RNF144A: variants seen among roughly 807,000 people sequenced by gnomAD.
The protein encoded by RNF144A is E3 ubiquitin-protein ligase RNF144A.
In RNF144A, 11 loss-of-function variants were observed where a neutral mutation model predicts 38.7. The ratio of observed to expected loss-of-function variants is 0.28; its 90% CI spans 0.18 to 0.47. RNF144A has a LOEUF of 0.47. Ranked by LOEUF, RNF144A falls within the 20% of genes least tolerant of loss-of-function variation. The pLI is 0.99. For missense variants in RNF144A, 316 were observed against 377.2 expected (o/e 0.84, Z 1.34); for synonymous variants, 149 against 143.9 (o/e 1.04, Z -0.25).
At chr2:6,996,803 G>C (rs945645053) in intron 2 of RNF144A, 113 bp from the exon 3 acceptor site, 1 of 1,033,882 alleles carries the variant, frequency 9.7e-7, no homozygotes, top group African/African-American at 1.6e-5. Context: ...GGCTCCATCA[G>C]CAGTCAGTTG....
At chr2:6,927,949 A>G (rs1381772961) in intron 1 of RNF144A, among the ~76,000 whole-genome samples, 3 of 152,136 alleles carry the variant, frequency 2.0e-5, no homozygotes, top group African/African-American at 7.2e-5. Flanking sequence ...GCTCTTCTAG[A>G]GTGCTTACCT....
chr2:7,043,667 A>G lies in RNF144A; in HGVS notation c.*3907A>G. 1 of 985,874 alleles carries G rather than the reference A, an allele frequency of 1.0e-6. No individual in the cohort carries two copies. Among genetic ancestry groups the G allele is most frequent in the Non-Finnish European group, 1.2e-6 (1 of 829,928 alleles). The allele number at this position is 985,874 out of a possible 1,614,324, so 61.1% of individuals were successfully genotyped here. On this transcript the variant is annotated 3_prime_UTR_variant, in exon 9 of 9. Transcript: ENST00000320892. ...ACAAAGGGGCCTGCGTTAAAACCTA[A>G]TTGCTAATGCTTCACAACTAGGAGA... is the stretch of plus-strand genomic sequence containing the variant.
chr2:7,071,823 G>A (rs1014650522), downstream of RNF144A, among the ~76,000 whole-genome samples: 2 of 152,214 alleles, frequency 1.3e-5, no homozygotes, highest in African/African-American at 4.8e-5. Context: ...CCACCAGTTT[G>A]CTTTAAATGA....
chr2:7,050,391 C>T (rs1673473484), intron 6 of RNF144A, among the ~76,000 whole-genome samples: 1 of 152,208 alleles, frequency 6.6e-6, no homozygotes, highest in African/African-American at 2.4e-5. Flanking sequence ...TGGGTCCTCC[C>T]CAGCCATGTG....
At chr2:7,024,615 C>G (rs392709) in intron 7 of RNF144A, 99 bp downstream of exon 7, 483,682 of 1,351,982 alleles carry the variant, frequency 0.36, 90,258 homozygotes, top group Middle Eastern at 0.42. Context: ...AGCTTGGTGC[C>G]TACTCCTGTG....
intron 3 of RNF144A, 147 bp from the exon 4 acceptor site, chr2:7,014,307 T>C: frequency 1.5e-6 from 1 of 646,850 alleles, no homozygotes; most frequent in Non-Finnish European, 2.7e-6. Flanking sequence ...CCTCAAAACC[T>C]CAAATGTGTT....
chr2:7,048,930 C>T (rs1487736191), downstream of RNF144A, among the ~76,000 whole-genome samples: 2 of 152,162 alleles, frequency 1.3e-5, no homozygotes, highest in Non-Finnish European at 1.5e-5. Flanking sequence ...TTTGCAGAAA[C>T]CCGTGGCAAC....
intron 2 of RNF144A, among the ~76,000 whole-genome samples, chr2:6,980,089 C>G (rs958407489): frequency 6.6e-6 from 1 of 152,148 alleles, no homozygotes; most frequent in Non-Finnish European, 1.5e-5. Context: ...GGAAACTGCC[C>G]CCATGATCCA....
At chr2:6,984,459 C>T (rs558995709) in intron 2 of RNF144A, among the ~76,000 whole-genome samples, 18 of 152,204 alleles carry the variant, frequency 1.2e-4, no homozygotes, top group Admixed American at 9.8e-4. Flanking sequence ...CCCGCCACCA[C>T]ATCCGCGCTA....
At chr2:6,926,323 C>T (rs949548258) in intron 1 of RNF144A, among the ~76,000 whole-genome samples, 4 of 152,188 alleles carry the variant, frequency 2.6e-5, no homozygotes, top group Non-Finnish European at 4.4e-5. Context: ...AGCTGGGCTG[C>T]GTGGCCGGCT....
At chr2:7,048,041 T>C (rs1464946176), downstream of RNF144A, among the ~76,000 whole-genome samples, 1 of 152,174 alleles carries the variant, frequency 6.6e-6, no homozygotes, top group Non-Finnish European at 1.5e-5. Context: ...TTCCTTTCTG[T>C]TCCTGGGATA....
chr2:6,970,373 T>C (rs1165754946), intron 2 of RNF144A, among the ~76,000 whole-genome samples: 1 of 152,182 alleles, frequency 6.6e-6, no homozygotes, highest in African/African-American at 2.4e-5. Flanking sequence ...CCACGTACAA[T>C]GTGAGTTGGT....
Position 7,030,157 on chromosome 2 carries a change from G to A in RNF144A, c.689G>A (p.Gly230Glu), listed in dbSNP as rs1672186603. 6.2e-7 allele frequency: 1 copy of A among 1,613,938 alleles called. No individual in the cohort carries two copies. The highest frequency in any genetic ancestry group is 1.3e-5 in the African/African-American group (1 of 74,904). ...TTCCTTCTGATACACTACGATAAGG[G>A]ACCCTGCCGGAACAAGCTGGGCCAC... Reference protein sequence around the residue: ...DDFLLIHYDKGPCRNKLGHSR... With the variant: ...DDFLLIHYDKEPCRNKLGHSR... Residue 230 changes from glycine to glutamate, a missense_variant, in exon 8 of 9, where the codon GGA becomes GAA. Physicochemically the swap from Gly to Glu is moderately conservative, Grantham distance 98. Coordinates refer to ENST00000320892, the MANE Select transcript of RNF144A (RefSeq NM_014746.6).
chr2:7,041,036 G>A lies in RNF144A; in HGVS notation c.*1276G>A, dbSNP rs1673014352. ...CAATTGACTTTGAAAAGTGGAGAAA[G>A]TGTATTCTTTAAAGAGAATTTACTT... On this transcript the variant is annotated 3_prime_UTR_variant, in exon 9 of 9. Transcript: ENST00000320892. 4 of 985,440 alleles carry A rather than the reference G, an allele frequency of 4.1e-6. No homozygotes were observed. The highest frequency in any genetic ancestry group is 3.6e-6 in the Non-Finnish European group (3 of 829,926). The allele number at this position is 985,440 out of a possible 1,614,324, so 61.0% of individuals were successfully genotyped here.
At chr2:7,046,260 G>A (rs1223382912), downstream of RNF144A, among the ~76,000 whole-genome samples, 1 of 152,172 alleles carries the variant, frequency 6.6e-6, no homozygotes, top group Non-Finnish European at 1.5e-5. Flanking sequence ...AACAGCAATT[G>A]CTGCCCACGA....
chr2:6,995,505 G>A (rs1669670513), intron 2 of RNF144A, among the ~76,000 whole-genome samples: 1 of 152,200 alleles, frequency 6.6e-6, no homozygotes, highest in Non-Finnish European at 1.5e-5. Flanking sequence ...GAGCAAGGAA[G>A]CCAGTCCAAG....
intron 2 of RNF144A, among the ~76,000 whole-genome samples, chr2:6,991,751 G>GTC (rs998957554): frequency 2.0e-5 from 3 of 151,968 alleles, no homozygotes; most frequent in Admixed American, 6.6e-5. Flanking sequence ...ACATTTAACA[G>GTC]TCTCTCTCTC....
intron 6 of RNF144A, among the ~76,000 whole-genome samples, chr2:7,065,708 ATTTTAAGTC>A (rs1016774753): frequency 6.6e-6 from 1 of 152,238 alleles, no homozygotes; most frequent in Non-Finnish European, 1.5e-5. Context: ...CCATATGGCC[ATTTTAAGTC>A]TTTTGTTATT....
chr2:7,032,608 A>G (rs1038511299), intron 8 of RNF144A, among the ~76,000 whole-genome samples: 1 of 152,182 alleles, frequency 6.6e-6, no homozygotes, highest in African/African-American at 2.4e-5. Context: ...CGTCACTGCA[A>G]TCCTCCGTCT....
Sources: allele counts gnomAD v4.1 joint callset (sites outside exome capture counted in the v4.1 genomes callset), GRCh38; gene constraint gnomAD v4.1.1; transcripts MANE v1.5; gene names NCBI Gene and HGNC (gene_info 2026-07-23, HGNC 2026-07-21).